RRP12: variants seen among roughly 807,000 people sequenced by gnomAD.
RRP12 encodes the protein ribosomal RNA processing 12 homolog.
A neutral mutation model predicts 157.3 loss-of-function variants in RRP12; 78 were observed. That is an observed-to-expected ratio of 0.50 (90% CI 0.41 to 0.60). The LOEUF is 0.60. Ranked by LOEUF, RRP12 falls within the 20% of genes least tolerant of loss-of-function variation. The pLI, the probability that RRP12 is intolerant of heterozygous loss-of-function variation, is 0.00. For missense variants in RRP12, 1,521 were observed against 1,679.9 expected, an observed-to-expected ratio of 0.91 and a Z score of 1.65; for synonymous variants, 726 against 670.9, an observed-to-expected ratio of 1.08 and a Z score of -1.27.
rs762361188 is a variant in RRP12 at position 97,379,725 on chromosome 10, G to C, written c.1579C>G (p.His527Asp). ...CDLRLSPHFP[H>D]TAALDQAVGA... ...ACTGCCTGGTCAAGAGCCGCCGTGTGGGGGAAATGAGGGGAGAGGCGCAGG... is the reference window on the plus strand; with the variant it reads ...ACTGCCTGGTCAAGAGCCGCCGTGTCGGGGAAATGAGGGGAGAGGCGCAGG... Residue 527 changes from histidine to aspartate, a missense_variant, in exon 14 of 34, where the codon CAC (histidine) becomes GAC (aspartate). Physicochemically the swap from His to Asp is moderately conservative, Grantham distance 81. Coordinates refer to ENST00000370992, the MANE Select transcript of RRP12 (RefSeq NM_015179.4). 34 of 1,613,720 alleles carry C rather than the reference G, an allele frequency of 2.1e-5. No individual in the cohort carries two copies. Among genetic ancestry groups the C allele is most frequent in the Non-Finnish European group, 2.8e-5 (33 of 1,179,908 alleles).
intron 17 of RRP12, 101 bp from the exon 18 acceptor site, chr10:97,373,301 C>A: frequency 7.7e-7 from 1 of 1,290,686 alleles, no homozygotes; most frequent in East Asian, 2.4e-5. Context: ...GGGGAGCTGG[C>A]AGGACTTGGA....
At chr10:97,357,449 T>C (rs1303150166) in intron 33 of RRP12, among the ~76,000 whole-genome samples, 1 of 152,064 alleles carries the variant, frequency 6.6e-6, no homozygotes, top group Non-Finnish European at 1.5e-5. Context: ...CTAATGTATG[T>C]CCAGAGAAGG....
intron 15 of RRP12, among the ~76,000 whole-genome samples, chr10:97,375,217 C>T (rs1589423328): frequency 1.3e-5 from 2 of 151,270 alleles, no homozygotes; most frequent in East Asian, 1.9e-4. Context: ...CCTCAGTCTC[C>T]CAAGTAGCTG....
chr10:97,401,354 G>A (rs1399711153), upstream of RRP12: 5 of 1,280,274 alleles, frequency 3.9e-6, no homozygotes, highest in African/African-American at 7.4e-5. Flanking sequence ...GTCACTTCCG[G>A]ATTCGTGTGC....
At chr10:97,379,091 G>C (rs1325182760) in intron 15 of RRP12, among the ~76,000 whole-genome samples, 2 of 152,196 alleles carry the variant, frequency 1.3e-5, no homozygotes, top group Admixed American at 6.5e-5. Context: ...CTGCCACAGG[G>C]AGGGCCACCT....
intron 29 of RRP12, among the ~76,000 whole-genome samples, chr10:97,364,837 T>C (rs2133035561): frequency 6.6e-6 from 1 of 151,984 alleles, no homozygotes; most frequent in South Asian, 2.1e-4. Context: ...AGCTTTGAGC[T>C]GAATCCTGAA....
chr10:97,362,300 G>A (rs190998347), intron 30 of RRP12, among the ~76,000 whole-genome samples: 2 of 152,150 alleles, frequency 1.3e-5, no homozygotes, highest in East Asian at 1.9e-4. Context: ...GGTTCTCCCC[G>A]GCCAGGGAGA....
chr10:97,393,894 C>A, intron 3 of RRP12, 134 bp from the exon 4 acceptor site: 1 of 669,254 alleles, frequency 1.5e-6, no homozygotes. Context: ...GATCCTGACT[C>A]TGGCATTGTG....
chr10:97,391,444 G>A (rs1316391992), intron 4 of RRP12, among the ~76,000 whole-genome samples: 2 of 152,114 alleles, frequency 1.3e-5, no homozygotes, highest in East Asian at 3.9e-4. Flanking sequence ...GATGGCGCCC[G>A]CCTGTAATCC....
rs201713425 is a variant in RRP12 at position 97,373,592 on chromosome 10, G to A, written c.2009C>T (p.Thr670Ile). Residue 670 changes from threonine to isoleucine, a missense_variant, in exon 17 of 34, where the codon ACC becomes ATC. Physicochemically the swap from Thr to Ile is moderately conservative, Grantham distance 89 (BLOSUM62 -1). Transcript: ENST00000370992. ...ACACGTACCTGCCTGGCAGCCCTTG[G>A]TGATGAGGGTGCGCAGGGCCTGGCA... is the stretch of plus-strand genomic sequence containing the variant. ...TVCQALRTLI[T>I]KGCQAEADRA... 6 of 1,604,562 alleles carry A rather than the reference G, an allele frequency of 3.7e-6. No homozygotes were observed. Among genetic ancestry groups the A allele is most frequent in the African/African-American group, 1.3e-5 (1 of 74,758 alleles).
intron 8 of RRP12, among the ~76,000 whole-genome samples, 163 bp from the exon 9 acceptor site, chr10:97,386,156 A>G (rs1844625912): frequency 6.6e-6 from 1 of 152,206 alleles, no homozygotes; most frequent in Admixed American, 6.5e-5. Context: ...AAGACATGGA[A>G]GCCACTGAAA....
At chr10:97,395,695 C>CA (rs1278935884) in intron 3 of RRP12, among the ~76,000 whole-genome samples, 5 of 150,882 alleles carry the variant, frequency 3.3e-5, no homozygotes, top group East Asian at 3.9e-4. Flanking sequence ...CTAAAAAATA[C>CA]AAAAAATAAG....
chr10:97,393,740 C>T lies in RRP12; in HGVS notation c.474G>A (p.Val158=), dbSNP rs1421365196. 2 of 1,614,026 alleles carry T rather than the reference C, an allele frequency of 1.2e-6. No homozygotes were observed. The highest frequency in any genetic ancestry group is 2.2e-5 in the South Asian group (2 of 91,084). ...FAALMTTMEA[V]ESPESLAAVA... is the part of the protein sequence containing the mutation. The stretch of plus-strand genomic sequence containing the variant: ...CGGCGGCCAGGGACTCCGGGGACTC[C>T]ACTGCTTCCATTGTTGTCATCTGAG... Residue 158 remains valine (V), a synonymous_variant, in exon 4 of 34, where the codon GTG becomes GTA. Transcript: ENST00000370992.
chr10:97,357,903 A>G (rs369777853), intron 33 of RRP12, among the ~76,000 whole-genome samples: 17 of 150,302 alleles, frequency 1.1e-4, no homozygotes, highest in Non-Finnish European at 2.1e-4. Context: ...AGCTTGCAGT[A>G]AGCCGAGATC....
chr10:97,396,405 A>G, intron 2 of RRP12, 104 bp from the exon 3 acceptor site: 1 of 889,882 alleles, frequency 1.1e-6, no homozygotes, highest in Middle Eastern at 2.2e-4. Flanking sequence ...GTTAAAGCCC[A>G]GAGACAGACA....
intron 20 of RRP12, 124 bp from the exon 21 acceptor site, chr10:97,371,205 A>T: frequency 9.8e-7 from 1 of 1,023,298 alleles, no homozygotes; most frequent in Non-Finnish European, 1.4e-6. Context: ...GTGGCTTGAC[A>T]GAGGACCAGT....
chr10:97,363,934 C>T, intron 29 of RRP12, 31 bp from the exon 30 acceptor site: 6 of 1,607,262 alleles, frequency 3.7e-6, no homozygotes, highest in Non-Finnish European at 5.1e-6. Flanking sequence ...CCCATGAGCG[C>T]TGTGGGAGCT....
intron 29 of RRP12, among the ~76,000 whole-genome samples, chr10:97,365,153 G>A (rs1011456315): frequency 6.6e-6 from 1 of 152,102 alleles, no homozygotes; most frequent in African/African-American, 2.4e-5. Flanking sequence ...TGGCTGGTGA[G>A]TTGGGTGCAT....
intron 3 of RRP12, among the ~76,000 whole-genome samples, chr10:97,395,166 A>C (rs2133097510): frequency 6.6e-6 from 1 of 152,028 alleles, no homozygotes; most frequent in Non-Finnish European, 1.5e-5. Context: ...ACAACAACAA[A>C]AAAACCCAAA....
Sources: gnomAD v4.1 joint callset for allele counts (sites outside exome capture counted in the v4.1 genomes callset) on GRCh38, gnomAD v4.1.1 for gene constraint, MANE v1.5 for transcripts, NCBI Gene and HGNC (gene_info 2026-07-23, HGNC 2026-07-21) for gene names.